The following UMAD1 variants were observed in gnomAD, a reference collection of about 807,000 sequenced individuals.
UMAD1 encodes the protein UBAP1-MVB12-associated (UMA)-domain containing protein 1.
In UMAD1, 8 loss-of-function variants were observed where a neutral mutation model predicts 6.1. The observed-to-expected ratio is 1.30, with a 90% CI of 0.76 to 2.35. The LOEUF (loss-of-function observed/expected upper bound fraction) is 2.35, where lower values mean the gene tolerates loss of function less well. Among genes scored for constraint, UMAD1 ranks in the 30% most tolerant of loss-of-function variants. The pLI, the probability that UMAD1 is intolerant of heterozygous loss-of-function variation, is 0.00. For missense variants in UMAD1, 130 were observed against 78.4 expected (o/e 1.66, Z -2.49); for synonymous variants, 56 against 31.4 (o/e 1.78, Z -2.61).
intron 2 of UMAD1, among the ~76,000 whole-genome samples, chr7:7,766,229 T>A (rs1192857387): frequency 6.6e-6 from 1 of 152,234 alleles, no homozygotes; most frequent in African/African-American, 2.4e-5. Flanking sequence ...AATCAATTTT[T>A]AAAAATATAT....
At chr7:7,713,076 C>T (rs1780808111) in intron 2 of UMAD1, among the ~76,000 whole-genome samples, 3 of 151,930 alleles carry the variant, frequency 2.0e-5, no homozygotes, top group Non-Finnish European at 4.4e-5. Context: ...CGGTGGCTCA[C>T]ACCTATAATC....
intron 2 of UMAD1, among the ~76,000 whole-genome samples, chr7:7,782,475 A>G (rs1420086334): frequency 6.6e-6 from 1 of 152,150 alleles, no homozygotes; most frequent in Non-Finnish European, 1.5e-5. Context: ...TCGTGTGTCT[A>G]CATGCTATTG....
At chr7:7,725,955 G>A (rs1463834957) in intron 2 of UMAD1, among the ~76,000 whole-genome samples, 1 of 152,256 alleles carries the variant, frequency 6.6e-6, no homozygotes, top group Non-Finnish European at 1.5e-5. Context: ...CTGAAGGACA[G>A]TGGTGAAGGG....
intron 3 of UMAD1, among the ~76,000 whole-genome samples, chr7:7,875,600 T>G (rs1054577438): frequency 1.3e-5 from 2 of 152,186 alleles, no homozygotes; most frequent in South Asian, 2.1e-4. Flanking sequence ...AAGAAATGGA[T>G]AAATTCCTGG....
chr7:7,651,294 G>A (rs1785217934), intron 1 of UMAD1, among the ~76,000 whole-genome samples: 1 of 152,304 alleles, frequency 6.6e-6, no homozygotes, highest in Middle Eastern at 3.4e-3. Flanking sequence ...GAACCTCCTT[G>A]CAGGACTTGT....
At chr7:7,701,143 A>C (rs1039130533) in intron 2 of UMAD1, among the ~76,000 whole-genome samples, 1 of 152,190 alleles carries the variant, frequency 6.6e-6, no homozygotes, top group Non-Finnish European at 1.5e-5. Context: ...ACATTTAATA[A>C]ACATGTTCTG....
chr7:7,668,162 C>G (rs143032796), intron 1 of UMAD1, among the ~76,000 whole-genome samples: 364 of 152,224 alleles, frequency 2.4e-3, no homozygotes, highest in African/African-American at 8.4e-3. Context: ...ATTTGCCTGC[C>G]TCGGTCTCCC....
chr7:7,846,365 T>C (rs187005735), intron 3 of UMAD1, among the ~76,000 whole-genome samples: 1 of 152,308 alleles, frequency 6.6e-6, no homozygotes, highest in Admixed American at 6.5e-5. Flanking sequence ...CTAACAGTTT[T>C]TGGTCAAATC....
At chr7:7,776,105 G>C (rs981944777) in intron 2 of UMAD1, among the ~76,000 whole-genome samples, 1 of 152,104 alleles carries the variant, frequency 6.6e-6, no homozygotes, top group South Asian at 2.1e-4. Flanking sequence ...ACACTGAAAA[G>C]GGTGAGTTTT....
chr7:7,810,956 A>G (rs1230523577), intron 3 of UMAD1, among the ~76,000 whole-genome samples: 1 of 152,178 alleles, frequency 6.6e-6, no homozygotes, highest in African/African-American at 2.4e-5. Context: ...CCTTTCCAGC[A>G]GGGAGAAGAG....
At chr7:7,700,908 G>T (rs1157153850) in intron 2 of UMAD1, among the ~76,000 whole-genome samples, 1 of 151,966 alleles carries the variant, frequency 6.6e-6, no homozygotes, top group Non-Finnish European at 1.5e-5. Flanking sequence ...CAAAATGCCA[G>T]GCATGGTGGT....
chr7:7,847,095 AAAAAAAAAAATAT>A lies in UMAD1; in HGVS notation c.157-30184_157-30172del, dbSNP rs1347022540. On this transcript the variant is annotated intron_variant, in intron 3 of 3. Coordinates refer to ENST00000682710, the MANE Select transcript of UMAD1 (RefSeq NM_001302348.2). ...AAAAAAAGACAGCAATGCAAAAAAA[AAAAAAAAAAATAT>A]ATATATATATATATATATATATATA... Among the ~76,000 whole-genome samples, 5 of 47,154 alleles carry A rather than the reference AAAAAAAAAAATAT, an allele frequency of 1.1e-4. 1 individual carries two copies. Among genetic ancestry groups the A allele is most frequent in the African/African-American group, 5.9e-4 (4 of 6,756 alleles). The allele number at this position is 47,154 out of a possible 152,430, so 30.9% of individuals were successfully genotyped here. A position where few individuals can be genotyped will look rare whatever the true frequency, so the allele number is the denominator to read the frequency against.
rs1491567053 is a variant in UMAD1, at chr7:7,832,928, A to AG, written c.156+31191dup. The stretch of plus-strand genomic sequence containing the variant: ...ATGGGTCGGTCAGCTTTTCATAGAC[A>AG]GGGGGGAACGTTTGATGGAAATGAG... On this transcript the variant is annotated intron_variant, in intron 3 of 3. Transcript: ENST00000682710. Among the ~76,000 whole-genome samples, 6 of 150,822 alleles carry AG rather than the reference A, an allele frequency of 4.0e-5. No individual in the cohort carries two copies. In the South Asian group the frequency reaches 8.3e-4, roughly 21 times the overall value.
chr7:7,784,512 T>G lies in UMAD1; in HGVS notation c.83-17158T>G, dbSNP rs1369573601. On this transcript the variant is annotated intron_variant, in intron 2 of 3. Transcript: ENST00000682710. ...CACCATGCCCGGCTAATTTTTTGTA[T>G]TTTTTTTTTTTTTAAGTAGAGATGA... 9.0e-5 allele frequency among the ~76,000 whole-genome samples: 11 copies of G among 122,004 alleles called. No individual in the cohort carries two copies. The East Asian group carries it at 2.3e-3, about 25-fold the overall frequency. 80.0% of individuals were successfully genotyped at this position (122,004 alleles called of 152,430 possible).
chr7:7,863,016 A>G (rs1784144137), intron 3 of UMAD1, among the ~76,000 whole-genome samples: 1 of 121,766 alleles, frequency 8.2e-6, no homozygotes, highest in Non-Finnish European at 1.7e-5. Flanking sequence ...TGCTGATTTA[A>G]TGTAAAAAAA....
chr7:7,809,988 T>C lies in UMAD1; in HGVS notation c.156+8245T>C, dbSNP rs114144064. Among the ~76,000 whole-genome samples, 376 of 152,084 alleles carry C rather than the reference T, an allele frequency of 2.5e-3. 3 individuals are homozygous for C. Among genetic ancestry groups the C allele is most frequent in the African/African-American group, 8.6e-3 (357 of 41,520 alleles). On this transcript the variant is annotated intron_variant, in intron 3 of 3. Coordinates refer to ENST00000682710, the MANE Select transcript of UMAD1 (RefSeq NM_001302348.2). ...GGAATAAGATTACTGCATTAAAAAC[T>C]GGGTTTTGTGTAGAAAGGAATTGGG...
chr7:7,811,885 C>G (rs1042695033), intron 3 of UMAD1, among the ~76,000 whole-genome samples: 4 of 26,734 alleles, frequency 1.5e-4, no homozygotes, highest in African/African-American at 1.1e-3. Flanking sequence ...TGGTAGAGAA[C>G]AATTAAAAAT....
At chr7:7,814,141 G>A (rs900248652) in intron 3 of UMAD1, among the ~76,000 whole-genome samples, 9 of 151,900 alleles carry the variant, frequency 5.9e-5, no homozygotes, top group East Asian at 1.9e-4. Context: ...CCAACACCAC[G>A]CCCAGCTAAT....
rs150411259 is a variant in UMAD1 at position 7,835,462 on chromosome 7, C to CTTTTTTTTTTTTTTTT, written c.156+33742_156+33757dup. 3.0e-4 allele frequency among the ~76,000 whole-genome samples: 10 copies of CTTTTTTTTTTTTTTTT among 33,684 alleles called. 3 individuals are homozygous for CTTTTTTTTTTTTTTTT. The highest frequency in any genetic ancestry group is 5.7e-4 in the Non-Finnish European group (10 of 17,670). The allele number at this position is 33,684 out of a possible 152,430, so 22.1% of individuals were successfully genotyped here. ...CATTCATTCACTCATTGAAACAGCACTTTTTTTTTTTTTTTTTTTTTTTTT... is the reference window on the plus strand; with the variant it reads ...CATTCATTCACTCATTGAAACAGCACTTTTTTTTTTTTTTTTTTTTTTTTTTTTTTTTTTTTTTTTT... On this transcript the variant is annotated intron_variant, in intron 3 of 3. Coordinates refer to ENST00000682710, the MANE Select transcript of UMAD1 (RefSeq NM_001302348.2).
Sources: allele counts gnomAD v4.1 joint callset (sites outside exome capture counted in the v4.1 genomes callset), GRCh38; gene constraint gnomAD v4.1.1; transcripts MANE v1.5; gene names NCBI Gene and HGNC (gene_info 2026-07-23, HGNC 2026-07-21).